CABIN1: variants seen among roughly 807,000 people sequenced by gnomAD.
The protein encoded by CABIN1 is calcineurin binding protein 1.
CABIN1 carries 133 observed loss-of-function variants against 227.7 expected under a neutral mutation model. The ratio of observed to expected loss-of-function variants is 0.58; its 90% CI spans 0.51 to 0.67. The LOEUF is 0.67. CABIN1 is among the 30% of genes least tolerant of loss of function. The pLI is 0.00. For synonymous variants in CABIN1, 1,086 were observed against 1,155.1 expected, an observed-to-expected ratio of 0.94 and a Z score of 1.21; for missense variants, 2,408 against 2,852.5, an observed-to-expected ratio of 0.84 and a Z score of 3.55.
chr22:24,152,415 C>G (rs1248696845), intron 29 of CABIN1, among the ~76,000 whole-genome samples: 2 of 152,180 alleles, frequency 1.3e-5, no homozygotes, highest in Non-Finnish European at 2.9e-5. Context: ...TTCACTCTGT[C>G]TCGACCGTTG....
chr22:24,178,233 C>T lies in CABIN1; in HGVS notation c.*37C>T. The T allele has an allele frequency of 6.2e-7, 1 of 1,611,336 alleles. No homozygotes were observed. The highest frequency in any genetic ancestry group is 8.5e-7 in the Non-Finnish European group (1 of 1,179,424). On this transcript the variant is annotated 3_prime_UTR_variant, in exon 37 of 37. Coordinates refer to ENST00000263119, the MANE Select transcript of CABIN1 (RefSeq NM_012295.4). Reference sequence around the variant, plus strand: ...AGCCCCACCGCCACGCCCCAGGGGACCAGCCAGGCCTGGAATGCCCCCTGG... The same window carrying T: ...AGCCCCACCGCCACGCCCCAGGGGATCAGCCAGGCCTGGAATGCCCCCTGG...
chr22:24,100,171 C>A (rs1040178717), intron 26 of CABIN1, among the ~76,000 whole-genome samples: 1 of 152,230 alleles, frequency 6.6e-6, no homozygotes, highest in African/African-American at 2.4e-5. Context: ...CAAAGTGATT[C>A]CTGTCAAAGA....
At chr22:24,089,739 C>T (rs985306701) in intron 23 of CABIN1, among the ~76,000 whole-genome samples, 2 of 152,196 alleles carry the variant, frequency 1.3e-5, no homozygotes, top group Non-Finnish European at 2.9e-5. Flanking sequence ...GCTGTTCGAG[C>T]TGCTGTGTGC....
rs559310493 is a variant in CABIN1 at position 24,136,980 on chromosome 22, G to A, written c.4746+2565G>A. 7.9e-5 allele frequency among the ~76,000 whole-genome samples: 12 copies of A among 152,268 alleles called. No homozygotes were observed. The South Asian group carries it at 1.0e-3, about 13-fold the overall frequency. ...TTTTTCTGCAGTTGATAGGCGAGTT[G>A]GAGCTAGACAAGTTGCTTAATTTCC... On this transcript the variant is annotated intron_variant, in intron 29 of 36. Transcript: ENST00000263119.
intron 25 of CABIN1, 65 bp from the exon 26 acceptor site, chr22:24,097,949 A>G: frequency 1.9e-6 from 3 of 1,597,708 alleles, no homozygotes; most frequent in Non-Finnish European, 2.6e-6. Context: ...CACCCTTACC[A>G]GTACACATCT....
At chr22:24,138,713 G>A (rs1276168250) in intron 29 of CABIN1, among the ~76,000 whole-genome samples, 1 of 152,314 alleles carries the variant, frequency 6.6e-6, no homozygotes, top group South Asian at 2.1e-4. Context: ...GAGCTTCCAT[G>A]TATTTAGTTA....
intron 20 of CABIN1, 124 bp from the exon 21 acceptor site, chr22:24,084,455 A>T: frequency 1.2e-6 from 1 of 851,842 alleles, no homozygotes; most frequent in Non-Finnish European, 2.0e-6. Flanking sequence ...GATTTGTTTT[A>T]GGCTCTCCAA....
intron 24 of CABIN1, chr22:24,092,100 A>T: frequency 1.8e-6 from 1 of 550,016 alleles, no homozygotes; most frequent in Non-Finnish European, 3.3e-6. Flanking sequence ...TCACTAACAC[A>T]GGTTCTAAGA....
chr22:24,068,410 C>G (rs1430680852), intron 16 of CABIN1, among the ~76,000 whole-genome samples: 4 of 152,190 alleles, frequency 2.6e-5, no homozygotes, highest in Non-Finnish European at 5.9e-5. Context: ...GTCTCTGCCT[C>G]CATAGGATGG....
intron 29 of CABIN1, among the ~76,000 whole-genome samples, chr22:24,138,833 T>A (rs2044573281): frequency 6.6e-6 from 1 of 152,190 alleles, no homozygotes; most frequent in Admixed American, 6.5e-5. Flanking sequence ...GATTATGATC[T>A]AAACCCAACA....
At chr22:24,048,415 GT>G (rs1308325568) in intron 6 of CABIN1, among the ~76,000 whole-genome samples, 1 of 151,858 alleles carries the variant, frequency 6.6e-6, no homozygotes, top group African/African-American at 2.4e-5. Flanking sequence ...GGACAGAGTG[GT>G]TTTGAGATTT....
At chr22:24,066,956 C>T (rs751913161) in intron 15 of CABIN1, 31 bp from the exon 16 acceptor site, 17 of 1,610,972 alleles carry the variant, frequency 1.1e-5, no homozygotes, top group African/African-American at 1.3e-5. Flanking sequence ...GAGGGGTTTA[C>T]CCTCATACAG....
At chr22:24,048,957 T>C in intron 6 of CABIN1, 134 bp from the exon 7 acceptor site, 1 of 1,033,634 alleles carries the variant, frequency 9.7e-7, no homozygotes, top group Non-Finnish European at 1.5e-6. Flanking sequence ...ACTGAATTAG[T>C]TAAAGTGGTA....
chr22:24,025,527 T>C (rs1172146609), intron 1 of CABIN1, among the ~76,000 whole-genome samples: 1 of 152,220 alleles, frequency 6.6e-6, no homozygotes, highest in Non-Finnish European at 1.5e-5. Flanking sequence ...CATGAGCTGC[T>C]ATCCCTATAG....
chr22:24,086,860 G>T (rs2041203465), intron 22 of CABIN1, among the ~76,000 whole-genome samples: 1 of 152,192 alleles, frequency 6.6e-6, no homozygotes, highest in Admixed American at 6.5e-5. Context: ...TGAGAACTGA[G>T]CTGGAAGGGG....
chr22:24,155,654 T>G (rs546805679), intron 29 of CABIN1, among the ~76,000 whole-genome samples: 151 of 152,348 alleles, frequency 9.9e-4, no homozygotes, highest in African/African-American at 3.4e-3. Context: ...CCTACACTTC[T>G]GCCTGCCACA....
chr22:24,076,147 T>C (rs750831507), intron 18 of CABIN1, 22 bp from the exon 19 acceptor site: 192 of 1,595,566 alleles, frequency 1.2e-4, no homozygotes, highest in Non-Finnish European at 1.6e-4. Flanking sequence ...ACTCTGTGTC[T>C]GTCGGCCTGG....
chr22:24,042,877 T>TGTGTGTGTGTGTGTGTGTGTGTGTGTGTG, intron 5 of CABIN1, 27 bp from the exon 6 acceptor site: 3 of 1,463,584 alleles, frequency 2.0e-6, no homozygotes, highest in East Asian at 2.3e-5. Context: ...TGTGTGTGTG[T>TGTGTGTGTGTGTGTGTGTGTGTGTGTGTG]TTGCCCTCTG....
chr22:24,056,607 G>A (rs1238841407), intron 10 of CABIN1: 1 of 540,240 alleles, frequency 1.9e-6, no homozygotes, highest in Non-Finnish European at 3.3e-6. Context: ...AGAGCTAGAA[G>A]CAACATACTC....
Sources: allele counts gnomAD v4.1 joint callset (sites outside exome capture counted in the v4.1 genomes callset), GRCh38; gene constraint gnomAD v4.1.1; transcripts MANE v1.5; gene names NCBI Gene and HGNC (gene_info 2026-07-23, HGNC 2026-07-21).